The following PRICKLE2 variants were observed in gnomAD, a reference collection of about 807,000 sequenced individuals.
The protein encoded by PRICKLE2 is prickle-like protein 2.
Under a neutral mutation model 81.4 loss-of-function variants are expected in PRICKLE2, and 21 were observed. That is an observed-to-expected ratio of 0.26 (90% CI 0.18 to 0.37). PRICKLE2 has a LOEUF of 0.37. Among genes scored for constraint, PRICKLE2 ranks in the 10% least tolerant of loss-of-function variants. The probability of loss-of-function intolerance (pLI) is 1.00; values close to 1 mark genes in which losing one functional copy is unlikely to be tolerated. For missense variants in PRICKLE2, 940 were observed against 1,109.0 expected (o/e 0.85, Z 2.16); for synonymous variants, 456 against 421.5 (o/e 1.08, Z -1.00).
chr3:64,189,282 TGG>T (rs895589506), intron 2 of PRICKLE2, among the ~76,000 whole-genome samples: 14 of 152,226 alleles, frequency 9.2e-5, no homozygotes, highest in Admixed American at 2.6e-4. Context: ...CCTGCAGTGG[TGG>T]GGAAACTGGA....
intron 7 of PRICKLE2, chr3:64,101,532 T>C (rs995707002): frequency 6.6e-6 from 1 of 152,220 alleles, no homozygotes; most frequent in Non-Finnish European, 1.5e-5. Flanking sequence ...TGGCCAAATC[T>C]GAACAATTTG....
chr3:64,182,668 T>C (rs142556493), intron 2 of PRICKLE2: 1 of 152,204 alleles, frequency 6.6e-6, no homozygotes, highest in Non-Finnish European at 1.5e-5. Flanking sequence ...GCCTCTGGAA[T>C]TGTGAGAGAA....
rs760403363 is a variant in PRICKLE2, at chr3:64,099,069, T to G, written c.2517A>C (p.Lys839Asn). The part of the protein sequence containing the change: ...QLHSRKRQKS[K>N]NCIIS Reference sequence around the variant, plus strand: ...AATCATATTAAGAAATGATACAGTTTTTGCTCTTCTGTCTTTTCCTGCTGT... The same window carrying G: ...AATCATATTAAGAAATGATACAGTTGTTGCTCTTCTGTCTTTTCCTGCTGT... Residue 839 changes from lysine to asparagine, a missense_variant, in exon 8 of 8, where the codon AAA becomes AAC. Physicochemically the swap from Lys to Asn is moderately conservative, Grantham distance 94. Transcript: ENST00000638394. This position sits in a 1 kb window ranked among gnomAD's most constrained non-coding sequence, Gnocchi z 4.3. The G allele has an allele frequency of 1.9e-6, 3 of 1,614,090 alleles. No individual in the cohort carries two copies. The highest frequency in any genetic ancestry group is 1.7e-6 in the Non-Finnish European group (2 of 1,180,052).
intron 7 of PRICKLE2, among the ~76,000 whole-genome samples, chr3:64,144,942 T>A (rs2008984): frequency 0.065 from 9,869 of 152,230 alleles, 357 homozygotes; most frequent in South Asian, 0.096. Flanking sequence ...TAAGTACTAA[T>A]CTCACTGCTG....
intron 7 of PRICKLE2, among the ~76,000 whole-genome samples, chr3:64,106,423 A>G (rs1358760818): frequency 6.6e-6 from 1 of 152,202 alleles, no homozygotes; most frequent in African/African-American, 2.4e-5. Context: ...GTTGTGACAG[A>G]CTGTATGACC....
intron 2 of PRICKLE2, among the ~76,000 whole-genome samples, chr3:64,165,966 GTGTGTGTGTGTGTGTGT>G (rs2077823089): frequency 0.014 from 1,651 of 121,330 alleles, 17 homozygotes; most frequent in East Asian, 0.026. Flanking sequence ...TTATAAAGGT[GTGTGTGTGTGTGTGTGT>G]GTGTGTGTGT....
upstream of PRICKLE2, among the ~76,000 whole-genome samples, chr3:64,230,086 C>A (rs867751731): frequency 6.6e-6 from 1 of 152,180 alleles, no homozygotes; most frequent in African/African-American, 2.4e-5. Flanking sequence ...GAAGAGAGAA[C>A]TGAAGAGGCT....
At chr3:64,266,578 T>G (rs545721663) in intron 2 of PRICKLE2, among the ~76,000 whole-genome samples, 1 of 152,268 alleles carries the variant, frequency 6.6e-6, no homozygotes, top group South Asian at 2.1e-4. Context: ...ACTGCCCAGC[T>G]CACTTGACAC....
At chr3:64,157,032 C>A in intron 5 of PRICKLE2, 130 bp downstream of exon 5, 1 of 867,474 alleles carries the variant, frequency 1.2e-6, no homozygotes, top group East Asian at 2.5e-5. Flanking sequence ...GCTTCTCTCC[C>A]AAAAGGGTTA....
intron 2 of PRICKLE2, among the ~76,000 whole-genome samples, chr3:64,183,306 C>T (rs2078165964): frequency 6.6e-6 from 1 of 152,110 alleles, no homozygotes; most frequent in Non-Finnish European, 1.5e-5. Flanking sequence ...CACCAGTTCA[C>T]TACTTCTATT....
chr3:64,200,930 ATT>A (rs61117605), intron 1 of PRICKLE2: 26 of 119,642 alleles, frequency 2.2e-4, no homozygotes, highest in Admixed American at 2.6e-4. Flanking sequence ...TATGTTTTTA[ATT>A]TTTTTTTTTT....
intron 2 of PRICKLE2, among the ~76,000 whole-genome samples, chr3:64,244,535 T>C (rs1434244818): frequency 6.7e-6 from 1 of 150,072 alleles, no homozygotes; most frequent in Non-Finnish European, 1.5e-5. Flanking sequence ...CATTCTGATG[T>C]TGGCCACTAG....
At chr3:64,108,478 G>A (rs959789681) in intron 7 of PRICKLE2, among the ~76,000 whole-genome samples, 1 of 152,104 alleles carries the variant, frequency 6.6e-6, no homozygotes, top group Non-Finnish European at 1.5e-5. Flanking sequence ...CATGTTTCTT[G>A]GTGACAGGGC....
chr3:64,150,428 T>C (rs75857239), intron 6 of PRICKLE2, among the ~76,000 whole-genome samples: 8,356 of 152,120 alleles, frequency 0.055, 549 homozygotes, highest in African/African-American at 0.16. Context: ...ACTCTTCTTT[T>C]ATTGCGTTAG....
chr3:64,128,276 T>G (rs1373742440), intron 7 of PRICKLE2, among the ~76,000 whole-genome samples: 1 of 152,296 alleles, frequency 6.6e-6, no homozygotes, highest in African/African-American at 2.4e-5. Context: ...GCATAGCAAC[T>G]GAATGTCTCT....
chr3:64,151,861 G>C (rs1179606337), intron 6 of PRICKLE2, among the ~76,000 whole-genome samples: 2 of 152,152 alleles, frequency 1.3e-5, no homozygotes, highest in Non-Finnish European at 2.9e-5. Flanking sequence ...TGAAGCAACA[G>C]GCTGTGAGAG....
At chr3:64,236,860 C>A (rs1259312762) in intron 2 of PRICKLE2, among the ~76,000 whole-genome samples, 2 of 152,208 alleles carry the variant, frequency 1.3e-5, no homozygotes, top group African/African-American at 2.4e-5. Flanking sequence ...GTGTCAAATA[C>A]ACCAGGAGTG....
intron 7 of PRICKLE2, among the ~76,000 whole-genome samples, chr3:64,129,109 C>A (rs142798626): frequency 3.9e-4 from 60 of 152,196 alleles, no homozygotes; most frequent in Middle Eastern, 3.4e-3. Flanking sequence ...TCCCTTGGGG[C>A]AGGGATCAGG....
intron 6 of PRICKLE2, among the ~76,000 whole-genome samples, chr3:64,150,398 G>T (rs2077526222): frequency 6.6e-6 from 1 of 152,112 alleles, no homozygotes; most frequent in Non-Finnish European, 1.5e-5. Flanking sequence ...ATGGAGTGCT[G>T]AGAACTGGGC....
Sources: gnomAD v4.1 joint callset for allele counts (sites outside exome capture counted in the v4.1 genomes callset) on GRCh38, gnomAD v4.1.1 for gene constraint, Gnocchi (gnomAD v3.1) non-coding constraint, MANE v1.5 for transcripts, NCBI Gene and HGNC (gene_info 2026-07-23, HGNC 2026-07-21) for gene names.